FTO: variants seen among roughly 807,000 people sequenced by gnomAD.
FTO encodes FTO alpha-ketoglutarate dependent dioxygenase, also known as alpha-ketoglutarate-dependent dioxygenase FTO.
In FTO, 47 loss-of-function variants were observed where a neutral mutation model predicts 63.9. The observed-to-expected ratio is 0.74, with a 90% CI of 0.58 to 0.94. The LOEUF (loss-of-function observed/expected upper bound fraction) is 0.94, where lower values mean the gene tolerates loss of function less well. Ranked by LOEUF, FTO falls within the 40% of genes least tolerant of loss-of-function variation. The pLI, the probability that FTO is intolerant of heterozygous loss-of-function variation, is 0.00. For synonymous variants in FTO, 207 were observed against 224.4 expected, an observed-to-expected ratio of 0.92 and a Z score of 0.69; for missense variants, 562 against 618.1, an observed-to-expected ratio of 0.91 and a Z score of 0.96.
At chr16:54,066,443 T>A (rs1290306072) in intron 8 of FTO, among the ~76,000 whole-genome samples, 1 of 152,166 alleles carries the variant, frequency 6.6e-6, no homozygotes, top group East Asian at 1.9e-4. Context: ...TACTCTGAAG[T>A]CTCTATATAG....
chr16:53,754,986 A>T (rs2151582477), intron 1 of FTO, among the ~76,000 whole-genome samples: 1 of 152,316 alleles, frequency 6.6e-6, no homozygotes, highest in South Asian at 2.1e-4. Context: ...ACCATTTCTC[A>T]TCGCTATAGG....
At chr16:53,741,571 T>G (rs1194369422) in intron 1 of FTO, among the ~76,000 whole-genome samples, 1 of 152,196 alleles carries the variant, frequency 6.6e-6, no homozygotes, top group Non-Finnish European at 1.5e-5. Context: ...GAAATAAAAC[T>G]TTATTTTTTT....
At chr16:54,111,080 T>A (rs1599384088) in intron 8 of FTO, among the ~76,000 whole-genome samples, 1 of 152,210 alleles carries the variant, frequency 6.6e-6, no homozygotes. Flanking sequence ...TGATGAATAA[T>A]CCATTCAATA....
chr16:53,996,885 G>T (rs2083943267), intron 8 of FTO, among the ~76,000 whole-genome samples: 1 of 152,086 alleles, frequency 6.6e-6, no homozygotes, highest in Non-Finnish European at 1.5e-5. Flanking sequence ...GAGGCAGGCA[G>T]ATCACCTGAG....
intron 4 of FTO, among the ~76,000 whole-genome samples, chr16:53,848,217 G>A (rs7196056): frequency 0.018 from 2,690 of 152,202 alleles, 92 homozygotes; most frequent in African/African-American, 0.061. Context: ...AAGGAGCCCC[G>A]TAGAGGGAGG....
chr16:53,790,832 T>C (rs1451496888), intron 1 of FTO, among the ~76,000 whole-genome samples: 1 of 152,142 alleles, frequency 6.6e-6, no homozygotes, highest in Non-Finnish European at 1.5e-5. Flanking sequence ...AGAGTGGGAT[T>C]TACCTGATGA....
chr16:53,921,457 T>C (rs1301658468), intron 7 of FTO, among the ~76,000 whole-genome samples: 1 of 152,220 alleles, frequency 6.6e-6, no homozygotes, highest in Admixed American at 6.5e-5. Context: ...TTGGTATAGT[T>C]AGCCGTTCTT....
At chr16:53,724,098 C>T (rs985653795) in intron 1 of FTO, among the ~76,000 whole-genome samples, 3 of 152,216 alleles carry the variant, frequency 2.0e-5, no homozygotes, top group Non-Finnish European at 4.4e-5. Context: ...TCATCCTGAT[C>T]TTTTGAGGAT....
At chr16:53,941,392 G>A (rs2082525561) in intron 8 of FTO, among the ~76,000 whole-genome samples, 3 of 152,140 alleles carry the variant, frequency 2.0e-5, no homozygotes, top group Admixed American at 2.0e-4. Flanking sequence ...TTTAGCAATG[G>A]GGTCTGCCCT....
intron 2 of FTO, among the ~76,000 whole-genome samples, chr16:53,811,585 T>G (rs1761642053): frequency 6.6e-6 from 1 of 152,172 alleles, no homozygotes; most frequent in Admixed American, 6.5e-5. Flanking sequence ...CCTTCATCCT[T>G]GAAGCTATAG....
intron 8 of FTO, among the ~76,000 whole-genome samples, chr16:54,080,924 G>A (rs868847922): frequency 3.3e-5 from 5 of 152,140 alleles, no homozygotes; most frequent in Admixed American, 6.5e-5. Context: ...GCTTGGAGGC[G>A]TCACAAGCTC....
chr16:54,113,829 GAC>G lies in FTO; in HGVS notation c.*1918_*1919del, dbSNP rs2086941836. 7.3e-6 allele frequency: 1 copy of G among 136,234 alleles called. No homozygotes were observed. The highest frequency in any genetic ancestry group is 2.1e-4 in the East Asian group (1 of 4,652). 8.4% of individuals were successfully genotyped at this position (136,234 alleles called of 1,614,324 possible). On this transcript the variant is annotated 3_prime_UTR_variant, in exon 9 of 9. Transcript: ENST00000471389. ...TTCTTTTCTTTTTTTTTTTTTTTGA[GAC>G]ACAGTCTCACTCTGTCACCAGGCTA...
intron 8 of FTO, among the ~76,000 whole-genome samples, chr16:54,068,872 T>C (rs1161215324): frequency 1.3e-5 from 2 of 152,090 alleles, no homozygotes; most frequent in South Asian, 2.1e-4. Context: ...TTCCCTGATA[T>C]TGATTTCAGA....
chr16:53,933,990 T>C lies in FTO; in HGVS notation c.1245T>C (p.Asn415=). 1 of 1,613,974 alleles carries C rather than the reference T, an allele frequency of 6.2e-7. No individual in the cohort carries two copies. The highest frequency in any genetic ancestry group is 2.2e-5 in the East Asian group (1 of 44,876). Reference sequence around the variant, plus strand: ...TTTTGGATCATTTCTTGTAGACAAATGCTGTGCTTCATGAAGTTAAAAGAG... The same window carrying C: ...TTTTGGATCATTTCTTGTAGACAAACGCTGTGCTTCATGAAGTTAAAAGAG... The part of the protein sequence containing the change: ...ALWKKMEGVT[N]AVLHEVKREG... The change falls in exon 8 of 9, where the codon AAT becomes AAC. Residue 415 remains asparagine (N), a synonymous_variant. Coordinates refer to ENST00000471389, the MANE Select transcript of FTO (RefSeq NM_001080432.3).
At chr16:54,089,521 G>GA (rs1177929350) in intron 8 of FTO, among the ~76,000 whole-genome samples, 2 of 152,012 alleles carry the variant, frequency 1.3e-5, no homozygotes, top group African/African-American at 4.8e-5. Flanking sequence ...AGAGTTAATG[G>GA]AAAAAACAGA....
intron 7 of FTO, among the ~76,000 whole-genome samples, chr16:53,903,099 G>A (rs2081443469): frequency 6.6e-6 from 1 of 152,094 alleles, no homozygotes. Flanking sequence ...GACAGAGTGA[G>A]ACCCTGTCTC....
chr16:53,762,653 C>G (rs2077098129), intron 1 of FTO, among the ~76,000 whole-genome samples: 2 of 151,590 alleles, frequency 1.3e-5, no homozygotes, highest in African/African-American at 2.4e-5. Flanking sequence ...ACTCTATGAT[C>G]TTAAAAGCAA....
At chr16:53,937,162 G>A (rs977619377) in intron 8 of FTO, 9 of 398,304 alleles carry the variant, frequency 2.3e-5, no homozygotes, top group African/African-American at 1.9e-4. Context: ...ACATCTGAGT[G>A]CTGTGGGTTT....
At chr16:53,898,401 A>AGGG (rs1433026216) in intron 7 of FTO, among the ~76,000 whole-genome samples, 2 of 151,830 alleles carry the variant, frequency 1.3e-5, no homozygotes, top group African/African-American at 4.8e-5. Context: ...CTGACCAAGC[A>AGGG]CTCTCTCATT....
Sources: gnomAD v4.1 joint callset for allele counts (sites outside exome capture counted in the v4.1 genomes callset) on GRCh38, gnomAD v4.1.1 for gene constraint, MANE v1.5 for transcripts, NCBI Gene and HGNC (gene_info 2026-07-23, HGNC 2026-07-21) for gene names.